The following HDAC4 variants were observed in gnomAD, a reference collection of about 807,000 sequenced individuals.
HDAC4 encodes the protein histone deacetylase A.
In HDAC4, 16 loss-of-function variants were observed where a neutral mutation model predicts 135.1. The observed-to-expected ratio is 0.12, with a 90% CI of 0.08 to 0.18. HDAC4 has a LOEUF of 0.18. HDAC4 is among the 10% of genes least tolerant of loss of function. HDAC4 has a pLI of 1.00. For missense variants in HDAC4, 1,143 were observed against 1,511.8 expected, an observed-to-expected ratio of 0.76 and a Z score of 4.05; for synonymous variants, 685 against 653.4, an observed-to-expected ratio of 1.05 and a Z score of -0.74.
At chr2:239,172,296 ATAT>A (rs1559551778) in intron 5 of HDAC4, among the ~76,000 whole-genome samples, 4,824 of 99,118 alleles carry the variant, frequency 0.049, 207 homozygotes, top group African/African-American at 0.11. Context: ...GAAAAAAAAT[ATAT>A]ATATATATAT....
chr2:239,053,351 A>C, intron 26 of HDAC4, 109 bp downstream of exon 26: 1 of 1,454,068 alleles, frequency 6.9e-7, no homozygotes, highest in African/African-American at 1.4e-5. Flanking sequence ...GCCTGTCTCT[A>C]GTCTGTTGGG....
intron 1 of HDAC4, among the ~76,000 whole-genome samples, chr2:239,366,260 T>C (rs1403283950): frequency 0.011 from 1,021 of 95,514 alleles, no homozygotes; most frequent in Middle Eastern, 0.073. Flanking sequence ...CACACAAACA[T>C]GCATGCACAG....
At chr2:239,179,108 T>C (rs559467574) in intron 4 of HDAC4, among the ~76,000 whole-genome samples, 9 of 145,696 alleles carry the variant, frequency 6.2e-5, no homozygotes, top group Non-Finnish European at 1.2e-4. Flanking sequence ...GGGGAGTGCG[T>C]GCGAGGCAGC....
At chr2:239,208,859 TA>T (rs1180268654) in intron 3 of HDAC4, among the ~76,000 whole-genome samples, 1 of 152,172 alleles carries the variant, frequency 6.6e-6, no homozygotes, top group African/African-American at 2.4e-5. Flanking sequence ...CCTTTATGGA[TA>T]AAAATTATAA....
intron 3 of HDAC4, among the ~76,000 whole-genome samples, chr2:239,234,979 C>T (rs372542072): frequency 2.6e-5 from 4 of 152,094 alleles, no homozygotes; most frequent in South Asian, 2.1e-4. Context: ...AGTGTTTACA[C>T]GAAAACAACA....
At chr2:239,267,999 T>G (rs185287724) in intron 2 of HDAC4, among the ~76,000 whole-genome samples, 1 of 152,270 alleles carries the variant, frequency 6.6e-6, no homozygotes, top group Non-Finnish European at 1.5e-5. Context: ...CAGGCTATAC[T>G]TGAATTCCAG....
At chr2:239,156,868 G>A in intron 6 of HDAC4, 95 bp from the exon 7 acceptor site, 3 of 1,467,082 alleles carry the variant, frequency 2.0e-6, no homozygotes, top group South Asian at 2.3e-5. Context: ...TCTTTCCCTT[G>A]AAACCTCAGC....
At chr2:239,079,734 A>G (rs889725204) in intron 22 of HDAC4, among the ~76,000 whole-genome samples, 1 of 152,210 alleles carries the variant, frequency 6.6e-6, no homozygotes, top group Non-Finnish European at 1.5e-5. Flanking sequence ...GTGTGTACTC[A>G]TATACAGATG....
chr2:239,131,124 A>G (rs1000221897), intron 11 of HDAC4, among the ~76,000 whole-genome samples: 25 of 152,256 alleles, frequency 1.6e-4, no homozygotes, highest in Non-Finnish European at 5.9e-5. Flanking sequence ...GGGACATAGA[A>G]GAGGCACGCC....
intron 11 of HDAC4, among the ~76,000 whole-genome samples, chr2:239,130,246 A>G (rs1432650070): frequency 6.6e-6 from 1 of 152,218 alleles, no homozygotes; most frequent in Non-Finnish European, 1.5e-5. Context: ...AGGCCAGGCC[A>G]GGGCTGAGGA....
In HDAC4 at chr2:239,101,341, G is replaced by A. The variant is rs1040706806; in HGVS notation, c.2233+1435C>T. Among the ~76,000 whole-genome samples, 3 of 152,354 alleles carry A rather than the reference G, an allele frequency of 2.0e-5. No homozygotes were observed. In the East Asian group the frequency reaches 5.8e-4, roughly 29 times the overall value. On this transcript the variant is annotated intron_variant, in intron 16 of 26. Transcript: ENST00000543185. Reference sequence around the variant, plus strand: ...CTGTACCTACAGGGCATCCAGTACAGAAGGTGCCCTCGGCGAGTGGATGAA... The same window carrying A: ...CTGTACCTACAGGGCATCCAGTACAAAAGGTGCCCTCGGCGAGTGGATGAA...
intron 2 of HDAC4, among the ~76,000 whole-genome samples, chr2:239,291,413 G>C (rs1287391458): frequency 2.0e-5 from 3 of 152,206 alleles, no homozygotes; most frequent in African/African-American, 7.2e-5. Flanking sequence ...CTCAAAGAGG[G>C]GTCCCCTGGG....
intron 2 of HDAC4, among the ~76,000 whole-genome samples, chr2:239,260,983 G>C (rs374954522): frequency 5.9e-4 from 90 of 152,240 alleles, no homozygotes; most frequent in African/African-American, 2.1e-3. Context: ...AGCCAGCCTG[G>C]GAGCGGCTGG....
At chr2:239,113,493 G>A (rs972613028) in intron 13 of HDAC4, among the ~76,000 whole-genome samples, 6 of 152,222 alleles carry the variant, frequency 3.9e-5, no homozygotes, top group Non-Finnish European at 7.3e-5. Flanking sequence ...AAATTGCTCC[G>A]TGTACTACGA....
intron 18 of HDAC4, among the ~76,000 whole-genome samples, chr2:239,087,906 T>TGCC (rs1438289664): frequency 6.6e-6 from 1 of 152,118 alleles, no homozygotes; most frequent in Non-Finnish European, 1.5e-5. Context: ...CGGTGAGGCG[T>TGCC]GGTGCCCTTG....
intron 14 of HDAC4, among the ~76,000 whole-genome samples, chr2:239,109,309 AG>A (rs1255908619): frequency 1.3e-5 from 2 of 152,172 alleles, no homozygotes; most frequent in African/African-American, 4.8e-5. Flanking sequence ...CACGGTGAAG[AG>A]CCTGGGCAAG....
intron 2 of HDAC4, among the ~76,000 whole-genome samples, chr2:239,288,066 T>TA (rs34053864): frequency 0.046 from 6,697 of 145,010 alleles, 380 homozygotes; most frequent in African/African-American, 0.14. Context: ...CCCTGTAAGT[T>TA]AAAAAAAAAA....
chr2:239,216,751 G>A (rs3791608), intron 3 of HDAC4, among the ~76,000 whole-genome samples: 25,031 of 152,012 alleles, frequency 0.16, 2,192 homozygotes, highest in East Asian at 0.23. Context: ...AGGACTGACC[G>A]GGAAGGGTGT....
intron 3 of HDAC4, among the ~76,000 whole-genome samples, chr2:239,205,224 T>C (rs555244367): frequency 1.3e-5 from 2 of 152,132 alleles, no homozygotes; most frequent in Non-Finnish European, 2.9e-5. Flanking sequence ...GGCTGACAAT[T>C]TTCCAGAACT....
Sources: gnomAD v4.1 joint callset for allele counts (sites outside exome capture counted in the v4.1 genomes callset) on GRCh38, gnomAD v4.1.1 for gene constraint, MANE v1.5 for transcripts, NCBI Gene and HGNC (gene_info 2026-07-23, HGNC 2026-07-21) for gene names.